The following CRIM1 variants were observed in gnomAD, a reference collection of about 807,000 sequenced individuals.
CRIM1 encodes cysteine-rich motor neuron 1 protein.
Under a neutral mutation model 116.4 loss-of-function variants are expected in CRIM1, and 32 were observed. The observed-to-expected ratio is 0.27, with a 90% CI of 0.21 to 0.37. The LOEUF (loss-of-function observed/expected upper bound fraction) is 0.37, where lower values mean the gene tolerates loss of function less well. CRIM1 is among the 10% of genes least tolerant of loss of function. The pLI is 1.00. For synonymous variants in CRIM1, 590 were observed against 509.2 expected (o/e 1.16, Z -2.13); for missense variants, 1,331 against 1,354.8 (o/e 0.98, Z 0.28).
intron 13 of CRIM1, among the ~76,000 whole-genome samples, chr2:36,526,880 G>T (rs1665795459): frequency 6.6e-6 from 1 of 152,214 alleles, no homozygotes; most frequent in Non-Finnish European, 1.5e-5. Context: ...TGGAAGTCAA[G>T]ATGCTCAGGT....
At chr2:36,505,643 C>T (rs542624867) in intron 8 of CRIM1, among the ~76,000 whole-genome samples, 1 of 51,980 alleles carries the variant, frequency 1.9e-5, no homozygotes, top group African/African-American at 7.5e-5. Context: ...TTTCTGGTCA[C>T]GAAAACATCA....
intron 2 of CRIM1, among the ~76,000 whole-genome samples, chr2:36,417,579 G>A (rs1043085012): frequency 2.0e-5 from 3 of 152,054 alleles, no homozygotes; most frequent in African/African-American, 7.2e-5. Context: ...GATCCTTGTA[G>A]GATCTTCAAA....
chr2:36,425,266 A>C (rs1674363588), intron 2 of CRIM1, among the ~76,000 whole-genome samples: 1 of 152,212 alleles, frequency 6.6e-6, no homozygotes, highest in African/African-American at 2.4e-5. Flanking sequence ...CCCAGCCTTA[A>C]TAAACAGCTC....
At chr2:36,383,529 T>C (rs955924421) in intron 1 of CRIM1, among the ~76,000 whole-genome samples, 3 of 152,244 alleles carry the variant, frequency 2.0e-5, no homozygotes, top group Non-Finnish European at 4.4e-5. Context: ...ATACTAGTTA[T>C]GTCGTAGAGC....
chr2:36,375,238 G>A (rs1038008769), intron 1 of CRIM1, among the ~76,000 whole-genome samples: 1 of 152,046 alleles, frequency 6.6e-6, no homozygotes, highest in Non-Finnish European at 1.5e-5. Flanking sequence ...TATCCAGCAA[G>A]GGACCTACAA....
intron 5 of CRIM1, among the ~76,000 whole-genome samples, chr2:36,467,117 G>T (rs574057623): frequency 1.3e-5 from 2 of 152,084 alleles, no homozygotes; most frequent in South Asian, 4.1e-4. Flanking sequence ...AATAGGATTT[G>T]CCATCTGTCC....
chr2:36,408,649 C>T (rs751788910), intron 2 of CRIM1, among the ~76,000 whole-genome samples: 1 of 152,204 alleles, frequency 6.6e-6, no homozygotes, highest in Non-Finnish European at 1.5e-5. Flanking sequence ...AGGCTTGTCT[C>T]CATCAACCAG....
intron 2 of CRIM1, among the ~76,000 whole-genome samples, chr2:36,407,434 A>C (rs575586140): frequency 1.8e-4 from 27 of 152,178 alleles, no homozygotes; most frequent in Non-Finnish European, 3.5e-4. Flanking sequence ...ATTTTTTGTT[A>C]CAGATACAAA....
chr2:36,407,335 G>A (rs1168351898), intron 2 of CRIM1, among the ~76,000 whole-genome samples: 2 of 152,056 alleles, frequency 1.3e-5, no homozygotes, highest in African/African-American at 2.4e-5. Flanking sequence ...TTAAATTCTA[G>A]CGATGTCATT....
At chr2:36,461,710 G>T (rs1241821254) in intron 4 of CRIM1, among the ~76,000 whole-genome samples, 1 of 152,126 alleles carries the variant, frequency 6.6e-6, no homozygotes, top group African/African-American at 2.4e-5. Flanking sequence ...GGGCAAATAT[G>T]GGTCATGATG....
chr2:36,393,765 G>A (rs555795539), intron 1 of CRIM1, among the ~76,000 whole-genome samples: 32 of 152,170 alleles, frequency 2.1e-4, no homozygotes, highest in Non-Finnish European at 3.1e-4. Flanking sequence ...CGACACTCCC[G>A]AGTAAAGCAT....
intron 1 of CRIM1, chr2:36,369,372 T>C (rs984169274): frequency 6.6e-6 from 1 of 152,328 alleles, no homozygotes; most frequent in Non-Finnish European, 1.5e-5. Context: ...ATTGGAAAGA[T>C]GCTTTCCAGC....
In CRIM1 at chr2:36,434,309, C is replaced by CTG. The variant is rs562913206; in HGVS notation, c.506-6948_506-6947dup. Among the ~76,000 whole-genome samples, 433 of 152,344 alleles carry CTG rather than the reference C, an allele frequency of 2.8e-3. 1 individual carries two copies. The highest frequency in any genetic ancestry group is 9.8e-3 in the African/African-American group (406 of 41,584). ...AAGTAATGAGGATACGCTAAAGACACTGAACCTCTTTATCTTTGCAAATTA... is the reference window on the plus strand; with the variant it reads ...AAGTAATGAGGATACGCTAAAGACACTGTGAACCTCTTTATCTTTGCAAATTA... On this transcript the variant is annotated intron_variant, in intron 2 of 16. Coordinates refer to ENST00000280527, the MANE Select transcript of CRIM1 (RefSeq NM_016441.3).
chr2:36,433,675 G>C (rs1020251129), intron 2 of CRIM1, among the ~76,000 whole-genome samples: 3 of 152,110 alleles, frequency 2.0e-5, no homozygotes, highest in African/African-American at 4.8e-5. Context: ...TCCAGACAGT[G>C]GTATTTTTAA....
In CRIM1 at chr2:36,356,237, G is replaced by T; in HGVS notation, c.-56G>T. 2 of 1,084,822 alleles carry T rather than the reference G, an allele frequency of 1.8e-6. No homozygotes were observed. Among genetic ancestry groups the T allele is most frequent in the Non-Finnish European group, 2.5e-6 (2 of 815,766 alleles). The allele number at this position is 1,084,822 out of a possible 1,614,324, so 67.2% of individuals were successfully genotyped here. The stretch of plus-strand genomic sequence containing the variant: ...GCGCGTGTGCCCCGCGCAGGGGAGG[G>T]CGCCCGCCCCGCTCCCGGCCCGGCT... On this transcript the variant is annotated 5_prime_UTR_variant, in exon 1 of 17. Coordinates refer to ENST00000280527, the MANE Select transcript of CRIM1 (RefSeq NM_016441.3). The surrounding 1 kb of genome is among the most constrained non-coding windows in gnomAD (Gnocchi z 4.3).
chr2:36,460,385 G>A (rs1677486995), intron 4 of CRIM1, among the ~76,000 whole-genome samples: 1 of 152,172 alleles, frequency 6.6e-6, no homozygotes, highest in South Asian at 2.1e-4. Flanking sequence ...CCGGAGATCA[G>A]GGGAAAGGGA....
chr2:36,486,436 A>G (rs1327491064), intron 7 of CRIM1, among the ~76,000 whole-genome samples: 2 of 152,152 alleles, frequency 1.3e-5, no homozygotes, highest in African/African-American at 4.8e-5. Flanking sequence ...ATACTGAACC[A>G]AGTTTTACGA....
chr2:36,478,330 G>A (rs922935393), intron 6 of CRIM1, among the ~76,000 whole-genome samples: 5 of 151,968 alleles, frequency 3.3e-5, no homozygotes, highest in Admixed American at 2.6e-4. Flanking sequence ...TTCCCTACCT[G>A]CCCCCAGTCT....
chr2:36,368,532 A>G (rs905569035), intron 1 of CRIM1, among the ~76,000 whole-genome samples: 4 of 152,182 alleles, frequency 2.6e-5, no homozygotes, highest in Admixed American at 1.3e-4. Context: ...GATGCCCAGC[A>G]CGGCTTCCAG....
Sources: gnomAD v4.1 joint callset for allele counts (sites outside exome capture counted in the v4.1 genomes callset) on GRCh38, gnomAD v4.1.1 for gene constraint, Gnocchi (gnomAD v3.1) non-coding constraint, MANE v1.5 for transcripts, NCBI Gene and HGNC (gene_info 2026-07-23, HGNC 2026-07-21) for gene names.